DNER: variants seen among roughly 807,000 people sequenced by gnomAD.
DNER encodes the protein delta/notch like EGF repeat containing, also known as delta and Notch-like epidermal growth factor-related receptor.
Under a neutral mutation model 78.2 loss-of-function variants are expected in DNER, and 33 were observed. The ratio of observed to expected loss-of-function variants is 0.42; its 90% CI spans 0.32 to 0.56. The LOEUF is 0.56. Among genes scored for constraint, DNER ranks in the 20% least tolerant of loss-of-function variants. DNER has a pLI of 0.11. For missense variants in DNER, 918 were observed against 975.3 expected (o/e 0.94, Z 0.78); for synonymous variants, 417 against 384.8 (o/e 1.08, Z -0.98).
chr2:229,475,350 C>T (rs1695010357), intron 7 of DNER, among the ~76,000 whole-genome samples: 1 of 152,188 alleles, frequency 6.6e-6, no homozygotes, highest in Non-Finnish European at 1.5e-5. Context: ...CTGCTTCCAC[C>T]TGCTGTCACC....
At chr2:229,626,298 G>A (rs1698343330) in intron 1 of DNER, among the ~76,000 whole-genome samples, 1 of 152,176 alleles carries the variant, frequency 6.6e-6, no homozygotes, top group South Asian at 2.1e-4. Context: ...ATTGAGTGAA[G>A]GAGGAACGCA....
At chr2:229,405,093 C>T (rs1368731808) in intron 10 of DNER, among the ~76,000 whole-genome samples, 6 of 152,060 alleles carry the variant, frequency 3.9e-5, no homozygotes, top group Non-Finnish European at 2.9e-5. Context: ...TGAATGGTCT[C>T]ATAAAAAATC....
intron 8 of DNER, among the ~76,000 whole-genome samples, chr2:229,421,378 G>C (rs1451962552): frequency 6.6e-6 from 1 of 151,782 alleles, no homozygotes; most frequent in African/African-American, 2.4e-5. Context: ...AAATAATACT[G>C]TAATGTATAC....
chr2:229,546,814 C>CAGATAGATAGATAGAT (rs1413221194), intron 5 of DNER, 133 bp downstream of exon 5: 12 of 1,290,172 alleles, frequency 9.3e-6, no homozygotes, highest in Middle Eastern at 4.1e-4. Context: ...GACAGACAGA[C>CAGATAGATAGATAGAT]AGACAGACAG....
At chr2:229,469,109 C>T (rs781282816) in intron 7 of DNER, among the ~76,000 whole-genome samples, 25 of 152,194 alleles carry the variant, frequency 1.6e-4, no homozygotes, top group African/African-American at 3.6e-4. Context: ...GATATTTACT[C>T]GTTCATTCAT....
rs1375714652 is a variant in DNER, at chr2:229,546,826, C to CAGATAGATAGAT, written c.993+120_993+121insATCTATCTATCT. ...ATAGACAGACAGACAGACAGACAGA[C>CAGATAGATAGAT]AGACAGATAGATAGATAGAGCAAGG... On this transcript the variant is annotated intron_variant, in intron 5 of 12. Coordinates refer to ENST00000341772, the MANE Select transcript of DNER (RefSeq NM_139072.4). The CAGATAGATAGAT allele has an allele frequency of 3.6e-6, 5 of 1,388,324 alleles. No individual in the cohort carries two copies. In the African/African-American group the frequency reaches 7.5e-5, roughly 21 times the overall value. 86.0% of individuals were successfully genotyped at this position (1,388,324 alleles called of 1,614,324 possible).
chr2:229,535,596 G>A (rs1260577265), intron 5 of DNER, among the ~76,000 whole-genome samples: 1 of 152,104 alleles, frequency 6.6e-6, no homozygotes, highest in East Asian at 1.9e-4. Context: ...TGGTCACTCA[G>A]AAGCCACTTG....
intron 6 of DNER, among the ~76,000 whole-genome samples, chr2:229,491,766 C>A (rs563304765): frequency 6.6e-6 from 1 of 152,302 alleles, no homozygotes; most frequent in South Asian, 2.1e-4. Context: ...CTTTCTCCTT[C>A]CCCTGTAGTT....
At chr2:229,675,904 G>A (rs992924118) in intron 1 of DNER, among the ~76,000 whole-genome samples, 6 of 152,148 alleles carry the variant, frequency 3.9e-5, no homozygotes, top group Non-Finnish European at 5.9e-5. Context: ...ACACCTCCAG[G>A]AAGTACCACT....
chr2:229,537,802 A>T (rs761007768), intron 5 of DNER, among the ~76,000 whole-genome samples: 16 of 151,962 alleles, frequency 1.1e-4, no homozygotes, highest in Non-Finnish European at 1.9e-4. Flanking sequence ...ACATGTGCAC[A>T]ATGTGCAGGT....
chr2:229,631,447 T>C (rs1440994103), intron 1 of DNER, among the ~76,000 whole-genome samples: 1 of 152,184 alleles, frequency 6.6e-6, no homozygotes, highest in Non-Finnish European at 1.5e-5. Flanking sequence ...CTTCTTAAAA[T>C]ATAGAAAGAA....
At chr2:229,562,198 T>C (rs1259277747) in intron 4 of DNER, among the ~76,000 whole-genome samples, 1 of 152,004 alleles carries the variant, frequency 6.6e-6, no homozygotes, top group South Asian at 2.1e-4. Context: ...ACAAAACCCC[T>C]CCTGGGCCAC....
rs563744927 is a variant in DNER, at chr2:229,535,746, C to T, written c.993+11201G>A. Among the ~76,000 whole-genome samples, 140 of 152,096 alleles carry T rather than the reference C, an allele frequency of 9.2e-4. 2 individuals are homozygous for T. The highest frequency in any genetic ancestry group is 1.6e-3 in the Non-Finnish European group (108 of 67,978). ...GTAAACTTCGCCTCCCGGGTTCCAG[C>T]GACTCTCCTGCCTCAGCCTCCCTAG... On this transcript the variant is annotated intron_variant, in intron 5 of 12. Coordinates refer to ENST00000341772, the MANE Select transcript of DNER (RefSeq NM_139072.4).
At chr2:229,555,009 A>G (rs1696832199) in intron 4 of DNER, among the ~76,000 whole-genome samples, 1 of 144,068 alleles carries the variant, frequency 6.9e-6, no homozygotes, top group African/African-American at 2.6e-5. Context: ...AAGGAAAAAG[A>G]GAAAGGGAAG....
intron 10 of DNER, among the ~76,000 whole-genome samples, chr2:229,399,189 C>T (rs2084340193): frequency 6.6e-6 from 1 of 151,346 alleles, no homozygotes; most frequent in African/African-American, 2.4e-5. Flanking sequence ...AAAAAAAATC[C>T]TAAAACTAGT....
At chr2:229,653,475 T>C (rs1014822866) in intron 1 of DNER, among the ~76,000 whole-genome samples, 1 of 152,184 alleles carries the variant, frequency 6.6e-6, no homozygotes, top group Non-Finnish European at 1.5e-5. Context: ...TATAAATTCT[T>C]CACTCTACAG....
At chr2:229,435,741 T>C (rs1694109129) in intron 8 of DNER, among the ~76,000 whole-genome samples, 1 of 152,154 alleles carries the variant, frequency 6.6e-6, no homozygotes, top group Non-Finnish European at 1.5e-5. Context: ...TCAGAAACCA[T>C]CTGGTAGAGT....
intron 9 of DNER, 119 bp downstream of exon 9, chr2:229,417,989 G>A: frequency 6.6e-7 from 1 of 1,509,364 alleles, no homozygotes; most frequent in Non-Finnish European, 9.0e-7. Flanking sequence ...GCCAGCTTCA[G>A]CATTTGATTG....
At chr2:229,533,194 A>G (rs1420144210) in intron 5 of DNER, among the ~76,000 whole-genome samples, 1 of 152,222 alleles carries the variant, frequency 6.6e-6, no homozygotes, top group African/African-American at 2.4e-5. Context: ...ATCTAGAAGA[A>G]AAGGGTTAGA....
Sources: allele counts gnomAD v4.1 joint callset (sites outside exome capture counted in the v4.1 genomes callset), GRCh38; gene constraint gnomAD v4.1.1; transcripts MANE v1.5; gene names NCBI Gene and HGNC (gene_info 2026-07-23, HGNC 2026-07-21).